KDM4B: variants seen among roughly 807,000 people sequenced by gnomAD.
KDM4B encodes lysine-specific demethylase 4B.
KDM4B carries 32 observed loss-of-function variants against 125.2 expected under a neutral mutation model. The ratio of observed to expected loss-of-function variants is 0.26; its 90% CI spans 0.19 to 0.34. The LOEUF is 0.34. Among genes scored for constraint, KDM4B ranks in the 10% least tolerant of loss-of-function variants. The pLI, the probability that KDM4B is intolerant of heterozygous loss-of-function variation, is 1.00. For synonymous variants in KDM4B, 721 were observed against 677.9 expected (o/e 1.06, Z -0.99); for missense variants, 1,190 against 1,577.7 (o/e 0.75, Z 4.16).
chr19:5,067,887 C>G (rs950066185), intron 6 of KDM4B, among the ~76,000 whole-genome samples: 2 of 152,262 alleles, frequency 1.3e-5, no homozygotes, highest in Admixed American at 1.3e-4. Context: ...GCAGGCAAAG[C>G]TGATTGATTT....
intron 9 of KDM4B, among the ~76,000 whole-genome samples, chr19:5,106,563 G>T (rs2039039375): frequency 1.3e-5 from 2 of 152,208 alleles, no homozygotes; most frequent in South Asian, 4.1e-4. Context: ...CCACCCGGCA[G>T]CCACCCCTCC....
At chr19:5,037,839 C>T (rs537370730) in intron 3 of KDM4B, among the ~76,000 whole-genome samples, 8 of 152,250 alleles carry the variant, frequency 5.3e-5, no homozygotes, top group African/African-American at 9.6e-5. Flanking sequence ...GCCACCTGCT[C>T]GCTGCGGCTG....
intron 11 of KDM4B, among the ~76,000 whole-genome samples, chr19:5,121,476 G>A (rs1233362582): frequency 2.6e-5 from 4 of 152,312 alleles, no homozygotes; most frequent in Middle Eastern, 3.4e-3. Context: ...GCCGCCTGGT[G>A]ACTCGGGGAT....
At chr19:5,119,126 G>A in intron 10 of KDM4B, 1 of 1,528,784 alleles carries the variant, frequency 6.5e-7, no homozygotes, top group Non-Finnish European at 8.8e-7. Context: ...AGACAAATTA[G>A]TCTGAAAGAA....
chr19:4,985,711 C>T (rs992272140), intron 1 of KDM4B, among the ~76,000 whole-genome samples: 4 of 152,208 alleles, frequency 2.6e-5, no homozygotes, highest in East Asian at 3.9e-4. Flanking sequence ...GGATGGTGAG[C>T]GGATGAGCTG....
intron 6 of KDM4B, among the ~76,000 whole-genome samples, chr19:5,068,713 C>T (rs538999954): frequency 5.3e-5 from 8 of 152,348 alleles, no homozygotes; most frequent in African/African-American, 1.2e-4. Flanking sequence ...CAGAAGTCTC[C>T]GTGGCTGCCC....
At chr19:4,973,781 G>C (rs936154922) in intron 1 of KDM4B, among the ~76,000 whole-genome samples, 3 of 146,814 alleles carry the variant, frequency 2.0e-5, no homozygotes, top group African/African-American at 7.5e-5. Context: ...CTCCTGCTTA[G>C]TTTTGCTGTG....
At chr19:5,080,271 C>A (rs563001698) in intron 8 of KDM4B, among the ~76,000 whole-genome samples, 1 of 152,370 alleles carries the variant, frequency 6.6e-6, no homozygotes, top group Non-Finnish European at 1.5e-5. Flanking sequence ...CTGAAAGCCT[C>A]ACCAGTTCTG....
Position 5,077,443 on chromosome 19 carries a change from G to A in KDM4B, c.753G>A (p.Leu251=). Reference sequence around the variant, plus strand: ...TGACCCTCATCTCGCCCATCATCCTGAAGAAGTACGGGATCCCCTTCAGCC... The same window carrying A: ...TGACCCTCATCTCGCCCATCATCCTAAAGAAGTACGGGATCCCCTTCAGCC... ...HKMTLISPII[L]KKYGIPFSRI... is the part of the protein sequence containing the mutation. Residue 251 remains leucine, a synonymous_variant, in exon 8 of 23, where the codon CTG becomes CTA. Coordinates refer to ENST00000159111, the MANE Select transcript of KDM4B (RefSeq NM_015015.3). 5 of 1,613,432 alleles carry A rather than the reference G, an allele frequency of 3.1e-6. No individual in the cohort carries two copies. Among genetic ancestry groups the A allele is most frequent in the Non-Finnish European group, 4.2e-6 (5 of 1,179,998 alleles).
intron 2 of KDM4B, among the ~76,000 whole-genome samples, chr19:5,021,300 A>G (rs1267564757): frequency 2.0e-5 from 3 of 151,950 alleles, no homozygotes; most frequent in Non-Finnish European, 2.9e-5. Context: ...AATTAAAACA[A>G]ATACTAGGCT....
chr19:5,129,912 C>T (rs755393272), intron 11 of KDM4B, among the ~76,000 whole-genome samples: 13 of 152,334 alleles, frequency 8.5e-5, no homozygotes, highest in South Asian at 8.3e-4. Flanking sequence ...CTGAGTGCGG[C>T]GGCCCTCAGA....
At position 5,081,803 on chromosome 19, in the gene KDM4B, G is replaced by C. The variant is rs543555640; in HGVS notation, c.781-564G>C. ...GGCCCCTTCCTGGCGTGTTTTGCGC[G>C]TGCAGTGGTGGTTCCTTTCTCATGC... On this transcript the variant is annotated intron_variant, in intron 8 of 22. Coordinates refer to ENST00000159111, the MANE Select transcript of KDM4B (RefSeq NM_015015.3). This position sits in a 1 kb window ranked among gnomAD's most constrained non-coding sequence, Gnocchi z 4.2. Among the ~76,000 whole-genome samples the C allele has an allele frequency of 9.8e-5, 15 of 152,316 alleles. No homozygotes were observed. The East Asian group carries it at 2.3e-3, about 24-fold the overall frequency.
chr19:5,003,109 C>T (rs1408600928), intron 1 of KDM4B, among the ~76,000 whole-genome samples: 3 of 152,188 alleles, frequency 2.0e-5, no homozygotes, highest in East Asian at 1.9e-4. Context: ...ATTCCACCGC[C>T]GTTCATTCTC....
chr19:5,049,882 C>T (rs1172377590), intron 6 of KDM4B, among the ~76,000 whole-genome samples: 1 of 152,148 alleles, frequency 6.6e-6, no homozygotes, highest in Non-Finnish European at 1.5e-5. Flanking sequence ...CTGACTACCC[C>T]TCCAGGCTGC....
chr19:5,135,502 G>A lies in KDM4B; in HGVS notation c.2249G>A (p.Gly750Asp). The A allele has an allele frequency of 6.2e-7, 1 of 1,611,832 alleles. No individual in the cohort carries two copies. Among genetic ancestry groups the A allele is most frequent in the Non-Finnish European group, 8.5e-7 (1 of 1,179,584 alleles). The change falls in exon 15 of 23, where the codon GGC becomes GAC. Residue 750 changes from glycine (G) to aspartate (D), a missense_variant. By Grantham distance (94) the Gly-to-Asp change is moderately conservative (BLOSUM62 -1). Coordinates refer to ENST00000159111, the MANE Select transcript of KDM4B (RefSeq NM_015015.3). ...TEPLPANSYI[G>D]DDGTSPLIAC... is the part of the protein sequence containing the mutation. Reference sequence around the variant, plus strand: ...CCGCTGCCTGCCAACTCCTACATCGGCGACGACGGGACCAGCCCCCTGATC... The same window carrying A: ...CCGCTGCCTGCCAACTCCTACATCGACGACGACGGGACCAGCCCCCTGATC...
chr19:5,020,247 T>G (rs888564861), intron 2 of KDM4B, among the ~76,000 whole-genome samples: 2 of 147,820 alleles, frequency 1.4e-5, no homozygotes, highest in African/African-American at 5.1e-5. Context: ...TTGATGTTGG[T>G]GTGGGTGTTG....
intron 22 of KDM4B, 114 bp from the exon 23 acceptor site, chr19:5,151,221 C>G: frequency 1.1e-6 from 1 of 937,204 alleles, no homozygotes; most frequent in East Asian, 3.3e-5. Flanking sequence ...GAGCAGCCCC[C>G]ACAGCAATCA....
At chr19:5,024,739 A>G (rs2036227007) in intron 2 of KDM4B, among the ~76,000 whole-genome samples, 1 of 151,744 alleles carries the variant, frequency 6.6e-6, no homozygotes, top group Non-Finnish European at 1.5e-5. Context: ...TCATGAGGTC[A>G]GGAGTTGGAG....
At chr19:5,095,351 T>C (rs2038799588) in intron 9 of KDM4B, among the ~76,000 whole-genome samples, 1 of 152,230 alleles carries the variant, frequency 6.6e-6, no homozygotes, top group Non-Finnish European at 1.5e-5. Flanking sequence ...CCGGTGGCTG[T>C]GTCTTCTCTC....
Sources: allele counts gnomAD v4.1 joint callset (sites outside exome capture counted in the v4.1 genomes callset), GRCh38; gene constraint gnomAD v4.1.1; non-coding constraint Gnocchi (gnomAD v3.1); transcripts MANE v1.5; gene names NCBI Gene and HGNC (gene_info 2026-07-23, HGNC 2026-07-21).